AKT3: variants seen among roughly 807,000 people sequenced by gnomAD.
AKT3 encodes the protein RAC-gamma serine/threonine-protein kinase.
Under a neutral mutation model 65.3 loss-of-function variants are expected in AKT3, and 15 were observed. The ratio of observed to expected loss-of-function variants is 0.23; its 90% confidence interval spans 0.15 to 0.35. The LOEUF (loss-of-function observed/expected upper bound fraction) is 0.35. Ranked by LOEUF, AKT3 falls within the 10% of genes least tolerant of loss-of-function variation. The pLI is 1.00. For synonymous variants in AKT3, 206 were observed against 183.8 expected, an observed-to-expected ratio of 1.12 and a Z score of -0.98; for missense variants, 243 against 576.5, an observed-to-expected ratio of 0.42 and a Z score of 5.92.
At chr1:243,527,216 A>T (rs1382800075) in intron 12 of AKT3, among the ~76,000 whole-genome samples, 1 of 152,194 alleles carries the variant, frequency 6.6e-6, no homozygotes, top group Admixed American at 6.5e-5. Flanking sequence ...CTTGCACATG[A>T]TAGATAAAAA....
At chr1:243,785,135 G>C (rs963141004) in intron 2 of AKT3, among the ~76,000 whole-genome samples, 1 of 150,938 alleles carries the variant, frequency 6.6e-6, no homozygotes, top group Non-Finnish European at 1.5e-5. Flanking sequence ...TGCAATCTCG[G>C]CTCACTGCAA....
rs141253381 is a variant in AKT3, at chr1:243,764,932, T to C, written c.47-69216A>G. ...TAACCTTTTAATTACTATTAATCAT[T>C]TAGCAACATTTAGAACAGCATTCAT... On this transcript the variant is annotated intron_variant, in intron 2 of 13. Transcript: ENST00000673466. 4.2e-3 allele frequency among the ~76,000 whole-genome samples: 638 copies of C among 152,230 alleles called. 5 individuals are homozygous for C. Among genetic ancestry groups the C allele is most frequent in the African/African-American group, 0.015 (613 of 41,568 alleles).
intron 12 of AKT3, among the ~76,000 whole-genome samples, chr1:243,515,807 G>T (rs1048796365): frequency 1.3e-5 from 2 of 152,084 alleles, no homozygotes; most frequent in Non-Finnish European, 1.5e-5. Flanking sequence ...TGGCTAACAT[G>T]GGAAACCCCC....
intron 3 of AKT3, among the ~76,000 whole-genome samples, chr1:243,670,749 A>ATACACTAGTTTGTTACTTATAT (rs1256248881): frequency 3.3e-5 from 5 of 150,756 alleles, no homozygotes; most frequent in African/African-American, 1.2e-4. Context: ...CTTATATTAG[A>ATACACTAGTTTGTTACTTATAT]TAGTTATACA....
At chr1:243,663,990 T>A (rs1682581452) in intron 4 of AKT3, among the ~76,000 whole-genome samples, 1 of 152,146 alleles carries the variant, frequency 6.6e-6, no homozygotes, top group Non-Finnish European at 1.5e-5. Flanking sequence ...CAGTCAATGC[T>A]AATTAATCCT....
At chr1:243,642,379 G>A (rs879313832) in intron 5 of AKT3, among the ~76,000 whole-genome samples, 2 of 152,130 alleles carry the variant, frequency 1.3e-5, no homozygotes, top group African/African-American at 2.4e-5. Context: ...GCACGATCTC[G>A]GCTCACTGCA....
At chr1:243,488,949 A>G in intron 13 of AKT3, 1 of 1,611,636 alleles carries the variant, frequency 6.2e-7, no homozygotes, top group South Asian at 1.1e-5. Flanking sequence ...AGATACACAC[A>G]GCCCCTGGGC....
intron 2 of AKT3, among the ~76,000 whole-genome samples, chr1:243,757,162 C>G (rs1252029476): frequency 6.6e-6 from 1 of 152,176 alleles, no homozygotes; most frequent in East Asian, 1.9e-4. Flanking sequence ...TTGGCAAAAT[C>G]TGAATGGGGT....
At chr1:243,814,059 T>C (rs1693360125) in intron 2 of AKT3, among the ~76,000 whole-genome samples, 1 of 152,134 alleles carries the variant, frequency 6.6e-6, no homozygotes, top group South Asian at 2.1e-4. Context: ...TTTGATCCAC[T>C]CCAGCCTAAG....
At chr1:243,643,953 C>T (rs555615592) in intron 5 of AKT3, among the ~76,000 whole-genome samples, 1 of 152,246 alleles carries the variant, frequency 6.6e-6, no homozygotes, top group South Asian at 2.1e-4. Flanking sequence ...TAATATTTTA[C>T]CACTTGAGGC....
intron 5 of AKT3, among the ~76,000 whole-genome samples, chr1:243,641,291 C>T (rs1680376581): frequency 6.7e-6 from 1 of 148,908 alleles, no homozygotes; most frequent in Non-Finnish European, 1.5e-5. Context: ...CACACACACG[C>T]ACACACACAC....
intron 2 of AKT3, among the ~76,000 whole-genome samples, chr1:243,731,651 C>T (rs59953491): frequency 0.2 from 30,267 of 152,148 alleles, 3,380 homozygotes; most frequent in East Asian, 0.32. Context: ...ACTGAAAGAT[C>T]TCAGTTCATG....
chr1:243,558,628 G>A lies in AKT3; in HGVS notation c.948+5092C>T, dbSNP rs533099496. Among the ~76,000 whole-genome samples, 11 of 152,100 alleles carry A rather than the reference G, an allele frequency of 7.2e-5. No individual in the cohort carries two copies. In the South Asian group the frequency reaches 2.3e-3, roughly 31 times the overall value. On this transcript the variant is annotated intron_variant, in intron 10 of 13. Coordinates refer to ENST00000673466, the MANE Select transcript of AKT3 (RefSeq NM_005465.7). ...GCTAGATATATTTCCCAACAATCAA[G>A]TCATTTTTTGCAATCTTTGTTAGTT...
Position 243,499,997 on chromosome 1 carries a change from A to C in AKT3, c.*5252T>G. Reference sequence around the variant, plus strand: ...TCTAGCTGAGCAGAGCTCCTGGTGTATGTTTTCAGAAATGGCTTGAAGTTA... The same window carrying C: ...TCTAGCTGAGCAGAGCTCCTGGTGTCTGTTTTCAGAAATGGCTTGAAGTTA... On this transcript the variant is annotated 3_prime_UTR_variant, in exon 14 of 14. Transcript: ENST00000673466. 1 of 598,076 alleles carries C rather than the reference A, an allele frequency of 1.7e-6. No individual in the cohort carries two copies. Among genetic ancestry groups the C allele is most frequent in the Non-Finnish European group, 3.0e-6 (1 of 334,724 alleles). 37.0% of individuals were successfully genotyped at this position (598,076 alleles called of 1,614,324 possible).
At chr1:243,563,945 G>A (rs1673975724) in intron 9 of AKT3, 97 bp from the exon 10 acceptor site, 1 of 1,235,540 alleles carries the variant, frequency 8.1e-7, no homozygotes, top group Non-Finnish European at 1.1e-6. Flanking sequence ...AAGGTATTTT[G>A]GAAACAGGAC....
At chr1:243,696,759 A>C (rs1685088804) in intron 2 of AKT3, among the ~76,000 whole-genome samples, 1 of 151,868 alleles carries the variant, frequency 6.6e-6, no homozygotes, top group Non-Finnish European at 1.5e-5. Context: ...AATCAACTGA[A>C]CCCTTAATAC....
chr1:243,591,206 T>C (rs946897405), intron 8 of AKT3, among the ~76,000 whole-genome samples: 1 of 152,146 alleles, frequency 6.6e-6, no homozygotes, highest in Non-Finnish European at 1.5e-5. Flanking sequence ...AAAGAGCCAC[T>C]GAAAAGGACC....
intron 12 of AKT3, among the ~76,000 whole-genome samples, chr1:243,521,503 T>C (rs1477955155): frequency 6.6e-6 from 1 of 152,228 alleles, no homozygotes; most frequent in Non-Finnish European, 1.5e-5. Flanking sequence ...GTATGTGGCA[T>C]ACATTATTTA....
intron 11 of AKT3, among the ~76,000 whole-genome samples, chr1:243,552,365 A>G (rs1179615638): frequency 6.6e-6 from 1 of 151,006 alleles, no homozygotes; most frequent in Non-Finnish European, 1.5e-5. Context: ...GAGTATTGAA[A>G]AATAGGTCTA....
Sources: gnomAD v4.1 joint callset for allele counts (sites outside exome capture counted in the v4.1 genomes callset) on GRCh38, gnomAD v4.1.1 for gene constraint, MANE v1.5 for transcripts, NCBI Gene and HGNC (gene_info 2026-07-23, HGNC 2026-07-21) for gene names.